MYRIP: variants seen among roughly 807,000 people sequenced by gnomAD.
MYRIP encodes the protein myosin VIIA and Rab interacting protein, also known as rab effector MyRIP.
MYRIP carries 49 observed loss-of-function variants against 98.0 expected under a neutral mutation model. That is an observed-to-expected ratio of 0.50 (90% confidence interval 0.40 to 0.63). The LOEUF (loss-of-function observed/expected upper bound fraction) is 0.63, where lower values mean the gene tolerates loss of function less well. Ranked by LOEUF, MYRIP falls within the 30% of genes least tolerant of loss-of-function variation. The pLI is 0.00. For missense variants in MYRIP, 1,004 were observed against 1,058.2 expected, an observed-to-expected ratio of 0.95 and a Z score of 0.71; for synonymous variants, 404 against 409.5, an observed-to-expected ratio of 0.99 and a Z score of 0.16.
intron 2 of MYRIP, among the ~76,000 whole-genome samples, chr3:40,035,599 C>A (rs72496999): frequency 0.068 from 10,335 of 151,832 alleles, 505 homozygotes; most frequent in East Asian, 0.18. Flanking sequence ...AGTATATTTA[C>A]AATTATTTTT....
intron 2 of MYRIP, among the ~76,000 whole-genome samples, chr3:39,937,600 T>C (rs1364009660): frequency 6.6e-6 from 1 of 152,204 alleles, no homozygotes; most frequent in East Asian, 1.9e-4. Flanking sequence ...CCTTCATTTA[T>C]TGGCCCAAAT....
intron 2 of MYRIP, among the ~76,000 whole-genome samples, chr3:39,922,348 AC>A (rs1190030593): frequency 6.6e-6 from 1 of 152,130 alleles, no homozygotes. Flanking sequence ...TGTGGCCTCC[AC>A]CCCTACCTAG....
intron 1 of MYRIP, among the ~76,000 whole-genome samples, chr3:39,891,985 T>C (rs1317725384): frequency 6.6e-6 from 1 of 152,128 alleles, no homozygotes; most frequent in African/African-American, 2.4e-5. Context: ...GTACTTCAAA[T>C]TTTTATATAG....
Position 40,004,587 on chromosome 3 carries a change from G to A in MYRIP, c.111-39463G>A, listed in dbSNP as rs541365548. 3.9e-5 allele frequency among the ~76,000 whole-genome samples: 6 copies of A among 152,268 alleles called. No individual in the cohort carries two copies. The East Asian group carries it at 1.2e-3, about 29-fold the overall frequency. On this transcript the variant is annotated intron_variant, in intron 2 of 16. Transcript: ENST00000302541. ...TTTTGGTGCACCTGTCACCCGAGCA[G>A]TATACACTGTACCCCATGTGTAGTC...
intron 3 of MYRIP, among the ~76,000 whole-genome samples, chr3:40,066,527 A>G (rs1948131251): frequency 6.6e-6 from 1 of 152,196 alleles, no homozygotes. Flanking sequence ...ATTTTAGTCT[A>G]TGACTTAAAA....
intron 8 of MYRIP, among the ~76,000 whole-genome samples, chr3:40,172,277 G>A (rs1950635150): frequency 6.6e-6 from 1 of 152,200 alleles, no homozygotes; most frequent in African/African-American, 2.4e-5. Context: ...AGGGGAGGGA[G>A]TGCTGGGGAC....
At chr3:39,938,049 G>C (rs1206041869) in intron 2 of MYRIP, among the ~76,000 whole-genome samples, 1 of 152,100 alleles carries the variant, frequency 6.6e-6, no homozygotes, top group Non-Finnish European at 1.5e-5. Context: ...AGGAAGCTTG[G>C]CATCTCCCAT....
At chr3:40,055,834 C>G (rs1464987144) in intron 3 of MYRIP, among the ~76,000 whole-genome samples, 1 of 152,138 alleles carries the variant, frequency 6.6e-6, no homozygotes, top group Non-Finnish European at 1.5e-5. Context: ...CAAGGGTAAG[C>G]TGAGAGCCCC....
Position 39,851,207 on chromosome 3 carries a change from G to T in MYRIP, c.-31+41291G>T, listed in dbSNP as rs62261649. On this transcript the variant is annotated intron_variant, in intron 1 of 16. Coordinates refer to ENST00000302541, the MANE Select transcript of MYRIP (RefSeq NM_015460.4). ...ATTTAGTTGCCAATAATCTATGATG[G>T]ATGTATGTATGTATGTGTGTGATTT... is the stretch of plus-strand genomic sequence containing the variant. Among the ~76,000 whole-genome samples the T allele has an allele frequency of 2.7e-3, 413 of 151,486 alleles. 1 individual carries two copies. The highest frequency in any genetic ancestry group is 3.5e-3 in the Non-Finnish European group (240 of 67,846).
At position 40,183,880 on chromosome 3, in the gene MYRIP, A is replaced by G. The variant is rs548414372; in HGVS notation, c.1027+1507A>G. 4.4e-4 allele frequency among the ~76,000 whole-genome samples: 67 copies of G among 152,374 alleles called. 1 individual carries two copies. The highest frequency in any genetic ancestry group is 1.5e-3 in the African/African-American group (64 of 41,590). On this transcript the variant is annotated intron_variant, in intron 9 of 16. Transcript: ENST00000302541. The stretch of plus-strand genomic sequence containing the variant: ...CTCTAAAAGGGAAAAGATTTAACCA[A>G]CAACTATAGAAACAAAATCCATTGT...
At chr3:40,076,847 A>C (rs546461731) in intron 3 of MYRIP, among the ~76,000 whole-genome samples, 3 of 152,302 alleles carry the variant, frequency 2.0e-5, no homozygotes, top group African/African-American at 4.8e-5. Context: ...AAAAATTACA[A>C]CACCAGAGAT....
intron 3 of MYRIP, among the ~76,000 whole-genome samples, chr3:40,065,377 C>T (rs1948105555): frequency 6.6e-6 from 1 of 152,110 alleles, no homozygotes; most frequent in South Asian, 2.1e-4. Flanking sequence ...TCTAGCTACT[C>T]AGTGTTAGGA....
At chr3:39,876,092 A>G (rs1428073915) in intron 1 of MYRIP, among the ~76,000 whole-genome samples, 1 of 152,144 alleles carries the variant, frequency 6.6e-6, no homozygotes, top group Non-Finnish European at 1.5e-5. Flanking sequence ...TTACCATTAC[A>G]TAATGGCCTT....
Position 40,044,272 on chromosome 3 carries a change from G to A in MYRIP, c.332+1G>A. ...TCTGCTGCGTCTGCCAGCAAGCGAG[G>A]TGAGTGGCTGGTGCATTCCCAGGGT... On this transcript the variant is annotated splice_donor_variant, in intron 3 of 16. Coordinates refer to ENST00000302541, the MANE Select transcript of MYRIP (RefSeq NM_015460.4). LOFTEE classifies it high-confidence loss of function. The A allele has an allele frequency of 6.2e-7, 1 of 1,613,972 alleles. No individual in the cohort carries two copies. Among genetic ancestry groups the A allele is most frequent in the Non-Finnish European group, 8.5e-7 (1 of 1,179,864 alleles).
chr3:39,920,814 TC>T (rs2125690540), intron 2 of MYRIP, among the ~76,000 whole-genome samples: 1 of 152,306 alleles, frequency 6.6e-6, no homozygotes, highest in African/African-American at 2.4e-5. Context: ...GCAGTGCTCA[TC>T]CTAGCACCAT....
chr3:40,163,682 C>T (rs1950443634), intron 5 of MYRIP, among the ~76,000 whole-genome samples: 1 of 152,152 alleles, frequency 6.6e-6, no homozygotes, highest in African/African-American at 2.4e-5. Context: ...ACCAGCAGCT[C>T]CCCTATTCCA....
chr3:39,988,124 C>T (rs540548225), intron 2 of MYRIP, among the ~76,000 whole-genome samples: 22 of 151,658 alleles, frequency 1.5e-4, no homozygotes, highest in Non-Finnish European at 2.2e-4. Flanking sequence ...AACACATGGA[C>T]ACAGGAAGGG....
intron 3 of MYRIP, among the ~76,000 whole-genome samples, chr3:40,112,708 A>T (rs899993135): frequency 1.3e-5 from 2 of 152,182 alleles, no homozygotes; most frequent in East Asian, 1.9e-4. Context: ...TTGTGCCTCC[A>T]TAAGGATTTT....
At chr3:39,952,952 C>T (rs1381990232) in intron 2 of MYRIP, among the ~76,000 whole-genome samples, 1 of 152,094 alleles carries the variant, frequency 6.6e-6, no homozygotes, top group Non-Finnish European at 1.5e-5. Context: ...TCTCATTGCC[C>T]AAATCTCCTT....
Sources: gnomAD v4.1 joint callset for allele counts (sites outside exome capture counted in the v4.1 genomes callset) on GRCh38, gnomAD v4.1.1 for gene constraint, MANE v1.5 for transcripts, NCBI Gene and HGNC (gene_info 2026-07-23, HGNC 2026-07-21) for gene names.